Variants in FGF14 observed in about 807,000 individuals in gnomAD.
FGF14 encodes the protein fibroblast growth factor 14.
FGF14 carries 5 observed loss-of-function variants against 25.5 expected under a neutral mutation model. That is an observed-to-expected ratio of 0.20 (90% confidence interval 0.10 to 0.41). The LOEUF (loss-of-function observed/expected upper bound fraction) is 0.41. Among genes scored for constraint, FGF14 ranks in the 10% least tolerant of loss-of-function variants. FGF14 has a pLI of 1.00. For missense variants in FGF14, 222 were observed against 320.1 expected (o/e 0.69, Z 2.34); for synonymous variants, 138 against 118.3 (o/e 1.17, Z -1.08).
intron 1 of FGF14, among the ~76,000 whole-genome samples, chr13:102,091,106 T>C (rs2044144514): frequency 6.6e-6 from 1 of 152,100 alleles, no homozygotes; most frequent in Non-Finnish European, 1.5e-5. Context: ...ACAAATAGAG[T>C]ACTAATAGTA....
chr13:102,151,700 C>T (rs1257628716), intron 1 of FGF14, among the ~76,000 whole-genome samples: 1 of 152,046 alleles, frequency 6.6e-6, no homozygotes, highest in Non-Finnish European at 1.5e-5. Context: ...CGGGATTTCA[C>T]CATGTGGGCA....
At chr13:102,079,453 T>C (rs2043515238) in intron 1 of FGF14, among the ~76,000 whole-genome samples, 2 of 152,186 alleles carry the variant, frequency 1.3e-5, no homozygotes, top group African/African-American at 4.8e-5. Context: ...ATTATTTATT[T>C]ATTTATCTTT....
intron 1 of FGF14, among the ~76,000 whole-genome samples, chr13:102,223,439 C>T (rs2050703017): frequency 6.6e-6 from 1 of 152,212 alleles, no homozygotes; most frequent in Non-Finnish European, 1.5e-5. Flanking sequence ...ACTGCAAGTA[C>T]TCTTGTCAGC....
At chr13:102,064,662 C>G (rs965053540) in intron 1 of FGF14, among the ~76,000 whole-genome samples, 3 of 151,922 alleles carry the variant, frequency 2.0e-5, no homozygotes, top group African/African-American at 7.2e-5. Flanking sequence ...ATAGTTGGCT[C>G]TTAATATTCC....
At chr13:102,257,342 CTTTTTTTTTT>C (rs71125058) in intron 1 of FGF14, among the ~76,000 whole-genome samples, 4 of 32,554 alleles carry the variant, frequency 1.2e-4, no homozygotes, top group Admixed American at 5.1e-4. Flanking sequence ...CCTTTCTTTT[CTTTTTTTTTT>C]TTTTTTTTTT....
chr13:102,080,808 A>T (rs2043584350), intron 1 of FGF14, among the ~76,000 whole-genome samples: 1 of 152,198 alleles, frequency 6.6e-6, no homozygotes, highest in Non-Finnish European at 1.5e-5. Context: ...ATTTGTGAAA[A>T]GTACCTTTAT....
chr13:102,111,493 T>C (rs935615737), intron 1 of FGF14, among the ~76,000 whole-genome samples: 3 of 152,154 alleles, frequency 2.0e-5, no homozygotes, highest in Non-Finnish European at 2.9e-5. Context: ...GGCAGGTAGA[T>C]TGCTAGAGCA....
intron 3 of FGF14, among the ~76,000 whole-genome samples, chr13:101,796,693 C>T (rs908822034): frequency 6.6e-6 from 1 of 152,014 alleles, no homozygotes; most frequent in Admixed American, 6.6e-5. Flanking sequence ...CAAGAGATGA[C>T]AGCCAGCTAT....
intron 1 of FGF14, among the ~76,000 whole-genome samples, chr13:102,151,470 T>G (rs1271892158): frequency 1.3e-5 from 2 of 152,318 alleles, no homozygotes; most frequent in Admixed American, 6.5e-5. Flanking sequence ...TCAAATCGTA[T>G]GCTGAGGATG....
intron 3 of FGF14, among the ~76,000 whole-genome samples, chr13:101,857,678 C>T (rs1264920291): frequency 6.6e-6 from 1 of 152,002 alleles, no homozygotes; most frequent in Non-Finnish European, 1.5e-5. Flanking sequence ...TGTAGAAACT[C>T]TTAGGTCCCA....
At chr13:102,127,503 A>G (rs999468305) in intron 1 of FGF14, among the ~76,000 whole-genome samples, 7 of 152,212 alleles carry the variant, frequency 4.6e-5, no homozygotes, top group African/African-American at 1.4e-4. Context: ...CTTATTCTGT[A>G]AGAGTTATCT....
intron 1 of FGF14, among the ~76,000 whole-genome samples, chr13:102,188,797 T>A (rs1324415330): frequency 6.6e-6 from 1 of 151,312 alleles, no homozygotes; most frequent in Non-Finnish European, 1.5e-5. Flanking sequence ...AAAAATTACC[T>A]GGGCATGGTG....
At chr13:102,026,867 C>G (rs952175686) in intron 1 of FGF14, among the ~76,000 whole-genome samples, 3 of 151,940 alleles carry the variant, frequency 2.0e-5, no homozygotes, top group African/African-American at 7.2e-5. Flanking sequence ...TATAACACAA[C>G]CAGATTTCAC....
In FGF14 at chr13:102,040,412, C is replaced by T. The variant is rs551061441; in HGVS notation, c.209-165116G>A. Among the ~76,000 whole-genome samples, 7 of 152,182 alleles carry T rather than the reference C, an allele frequency of 4.6e-5. 1 individual carries two copies. In the South Asian group the frequency reaches 1.0e-3, roughly 23 times the overall value. On this transcript the variant is annotated intron_variant, in intron 1 of 4. Transcript: ENST00000376131. ...ATGTTCAGCAAATTGACAGCTATAC[C>T]GTCAAAAATTTCAGAAAATCTTGCA... is the stretch of plus-strand genomic sequence containing the variant.
intron 1 of FGF14, among the ~76,000 whole-genome samples, chr13:101,923,205 G>A (rs990483518): frequency 6.6e-5 from 10 of 151,970 alleles, no homozygotes; most frequent in East Asian, 1.9e-4. Context: ...GACTCACTCC[G>A]TTTTGTCACA....
chr13:102,133,433 CAT>C (rs578232290), intron 1 of FGF14, among the ~76,000 whole-genome samples: 68 of 152,204 alleles, frequency 4.5e-4, no homozygotes, highest in Non-Finnish European at 6.5e-4. Flanking sequence ...TTCTCTATAA[CAT>C]GTGTGCATTT....
At chr13:101,822,149 T>G (rs954417597) in intron 3 of FGF14, among the ~76,000 whole-genome samples, 1 of 152,210 alleles carries the variant, frequency 6.6e-6, no homozygotes, top group Non-Finnish European at 1.5e-5. Flanking sequence ...TTTTTGCATT[T>G]AAGTTCCTAC....
intron 1 of FGF14, among the ~76,000 whole-genome samples, chr13:101,946,363 C>CAAAAAAAAAAAAA (rs59866034): frequency 1.1e-5 from 1 of 91,950 alleles, no homozygotes; most frequent in African/African-American, 3.6e-5. Context: ...GCTTCTCCAT[C>CAAAAAAAAAAAAA]AAAAAAAAAA....
intron 1 of FGF14, among the ~76,000 whole-genome samples, chr13:102,085,702 G>A (rs1471298605): frequency 6.6e-6 from 1 of 152,140 alleles, no homozygotes; most frequent in East Asian, 1.9e-4. Context: ...GTACACAGGT[G>A]GCAGAAAAAG....
Sources: allele counts gnomAD v4.1 joint callset (sites outside exome capture counted in the v4.1 genomes callset), GRCh38; gene constraint gnomAD v4.1.1; transcripts MANE v1.5; gene names NCBI Gene and HGNC (gene_info 2026-07-23, HGNC 2026-07-21).